Variants in INPP4B observed in about 807,000 individuals in gnomAD.
The protein encoded by INPP4B is inositol polyphosphate-4-phosphatase type II B, also known as inositol polyphosphate 4-phosphatase type II.
In INPP4B, 55 loss-of-function variants were observed where a neutral mutation model predicts 122.5. The observed-to-expected ratio is 0.45, with a 90% CI of 0.36 to 0.56. The LOEUF is 0.56. INPP4B is among the 20% of genes least tolerant of loss of function. The pLI is 0.00. For synonymous variants in INPP4B, 403 were observed against 388.7 expected, an observed-to-expected ratio of 1.04 and a Z score of -0.43; for missense variants, 1,000 against 1,097.7, an observed-to-expected ratio of 0.91 and a Z score of 1.26.
chr4:142,608,402 A>G (rs945445268), intron 2 of INPP4B, among the ~76,000 whole-genome samples: 1 of 152,176 alleles, frequency 6.6e-6, no homozygotes, highest in East Asian at 1.9e-4. Flanking sequence ...CCTAAAAAAT[A>G]TCTTTTCTTG....
At chr4:142,164,284 C>T (rs184695593) in intron 16 of INPP4B, among the ~76,000 whole-genome samples, 2 of 151,874 alleles carry the variant, frequency 1.3e-5, no homozygotes, top group East Asian at 3.9e-4. Flanking sequence ...CTAGAGATCT[C>T]AACAAAGTAA....
chr4:142,357,820 C>A (rs1188975916), intron 7 of INPP4B, among the ~76,000 whole-genome samples: 1 of 151,916 alleles, frequency 6.6e-6, no homozygotes, highest in Non-Finnish European at 1.5e-5. Flanking sequence ...CAGAAAATAA[C>A]ATATTTGCAT....
chr4:142,311,511 T>C (rs2151281782), intron 8 of INPP4B, among the ~76,000 whole-genome samples: 1 of 152,312 alleles, frequency 6.6e-6, no homozygotes, highest in South Asian at 2.1e-4. Context: ...TTTTGATTTA[T>C]TCAATACATA....
intron 2 of INPP4B, among the ~76,000 whole-genome samples, chr4:142,673,644 G>A (rs1757305435): frequency 6.6e-6 from 1 of 152,104 alleles, no homozygotes; most frequent in Non-Finnish European, 1.5e-5. Flanking sequence ...CAGTCCACCA[G>A]GTAAGGCCTT....
rs564169648 is a variant in INPP4B, at chr4:142,114,755, A to G, written c.2136-2073T>C. Among the ~76,000 whole-genome samples the G allele has an allele frequency of 2.0e-5, 3 of 152,092 alleles. No individual in the cohort carries two copies. The East Asian group carries it at 5.8e-4, about 29-fold the overall frequency. On this transcript the variant is annotated intron_variant, in intron 21 of 25. Coordinates refer to ENST00000262992, the MANE Select transcript of INPP4B (RefSeq NM_001101669.3). ...TTAATGGTGTTCTTTTGATGCTTAAATGTTCATAATTTTGATGAAGTCCTA... is the reference window on the plus strand; with the variant it reads ...TTAATGGTGTTCTTTTGATGCTTAAGTGTTCATAATTTTGATGAAGTCCTA...
chr4:142,165,113 C>T (rs1822085738), intron 16 of INPP4B, among the ~76,000 whole-genome samples: 1 of 151,700 alleles, frequency 6.6e-6, no homozygotes, highest in South Asian at 2.1e-4. Flanking sequence ...CCTGAACCAG[C>T]TCTATCAACT....
At chr4:142,604,149 C>A (rs1740692217) in intron 2 of INPP4B, among the ~76,000 whole-genome samples, 1 of 152,020 alleles carries the variant, frequency 6.6e-6, no homozygotes, top group Non-Finnish European at 1.5e-5. Flanking sequence ...TCAATAGATG[C>A]AGAAAAGGCA....
intron 1 of INPP4B, among the ~76,000 whole-genome samples, chr4:142,804,143 C>T (rs1399246424): frequency 6.6e-6 from 1 of 151,816 alleles, no homozygotes; most frequent in Admixed American, 6.6e-5. Flanking sequence ...AAAAGAATAG[C>T]TCATCGTGAC....
At chr4:142,617,935 C>A (rs1256647434) in intron 2 of INPP4B, among the ~76,000 whole-genome samples, 1 of 152,010 alleles carries the variant, frequency 6.6e-6, no homozygotes, top group South Asian at 2.1e-4. Flanking sequence ...TTGAAATGAG[C>A]TAGTCCAAAT....
At chr4:142,719,617 C>T (rs1296073428) in intron 2 of INPP4B, among the ~76,000 whole-genome samples, 1 of 151,960 alleles carries the variant, frequency 6.6e-6, no homozygotes, top group East Asian at 1.9e-4. Flanking sequence ...ACCCATTGAA[C>T]CCAGCCTATA....
At chr4:142,510,547 G>A (rs1824581135) in intron 2 of INPP4B, among the ~76,000 whole-genome samples, 1 of 152,122 alleles carries the variant, frequency 6.6e-6, no homozygotes, top group Non-Finnish European at 1.5e-5. Flanking sequence ...ACCTGTATCA[G>A]GATAAGCTGG....
At chr4:142,651,384 AAGAGAT>A (rs1381745552) in intron 2 of INPP4B, among the ~76,000 whole-genome samples, 6 of 152,202 alleles carry the variant, frequency 3.9e-5, no homozygotes, top group Non-Finnish European at 7.3e-5. Context: ...GCAGAACTGA[AAGAGAT>A]AGAGACATAA....
In INPP4B at chr4:142,160,438, T is replaced by A; in HGVS notation, c.1483A>T (p.Ser495Cys). 1 of 1,610,696 alleles carries A rather than the reference T, an allele frequency of 6.2e-7. No homozygotes were observed. The highest frequency in any genetic ancestry group is 8.5e-7 in the Non-Finnish European group (1 of 1,177,756). Residue 495 changes from serine (S) to cysteine (C), a missense_variant, in exon 17 of 26, where the codon AGC (serine) becomes TGC (cysteine). By Grantham distance (112) the Ser-to-Cys change is moderately radical. Transcript: ENST00000262992. ...ACTGGGGGTTGGTCTTGGGGACTGC[T>A]CTCCTCTGTGCTGCTCTTAGGAGAG... The part of the protein sequence containing the change: ...PPSPKSSTEE[S>C]SPQDQPPVMR...
chr4:142,631,096 A>C (rs1580559376), intron 2 of INPP4B, among the ~76,000 whole-genome samples: 1 of 152,148 alleles, frequency 6.6e-6, no homozygotes, highest in East Asian at 1.9e-4. Context: ...GCAATAAATC[A>C]ACAGGGATGA....
chr4:142,388,252 T>C (rs566927734), intron 7 of INPP4B, among the ~76,000 whole-genome samples: 43 of 152,328 alleles, frequency 2.8e-4, no homozygotes, highest in Admixed American at 4.6e-4. Context: ...AGCCAGGCAA[T>C]AAATTTAAGA....
intron 2 of INPP4B, among the ~76,000 whole-genome samples, chr4:142,546,583 G>A (rs1829672588): frequency 6.6e-6 from 1 of 152,106 alleles, no homozygotes; most frequent in Admixed American, 6.6e-5. Context: ...GGAGAATTAT[G>A]ATTACGTGTC....
intron 17 of INPP4B, among the ~76,000 whole-genome samples, chr4:142,154,473 TTAAA>T (rs553455457): frequency 4.2e-4 from 64 of 152,268 alleles, no homozygotes; most frequent in African/African-American, 1.4e-3. Flanking sequence ...TGAAGATGAC[TTAAA>T]TAGTCACTAC....
At chr4:142,745,038 T>C (rs1768500734) in intron 1 of INPP4B, among the ~76,000 whole-genome samples, 1 of 151,716 alleles carries the variant, frequency 6.6e-6, no homozygotes, top group African/African-American at 2.4e-5. Flanking sequence ...AAGTAGAAAC[T>C]GAGAAATGGG....
At chr4:142,348,657 G>A (rs2151781797) in intron 7 of INPP4B, among the ~76,000 whole-genome samples, 1 of 152,132 alleles carries the variant, frequency 6.6e-6, no homozygotes. Flanking sequence ...TTAATCTAAA[G>A]CAACATTGCT....
Sources: gnomAD v4.1 joint callset for allele counts (sites outside exome capture counted in the v4.1 genomes callset) on GRCh38, gnomAD v4.1.1 for gene constraint, MANE v1.5 for transcripts, NCBI Gene and HGNC (gene_info 2026-07-23, HGNC 2026-07-21) for gene names.